SPOCK1: variants seen among roughly 807,000 people sequenced by gnomAD.
SPOCK1 encodes the protein testican-1.
A neutral mutation model predicts 55.3 loss-of-function variants in SPOCK1; 23 were observed. The observed-to-expected ratio is 0.42, with a 90% confidence interval of 0.30 to 0.59. SPOCK1 has a LOEUF of 0.59. Ranked by LOEUF, SPOCK1 falls within the 20% of genes least tolerant of loss-of-function variation. The probability of loss-of-function intolerance (pLI) is 0.22; values close to 1 mark genes in which losing one functional copy is unlikely to be tolerated. For synonymous variants in SPOCK1, 226 were observed against 221.0 expected, an observed-to-expected ratio of 1.02 and a Z score of -0.20; for missense variants, 499 against 552.5, an observed-to-expected ratio of 0.90 and a Z score of 0.97.
At chr5:137,227,707 G>T (rs1396756655) in intron 3 of SPOCK1, among the ~76,000 whole-genome samples, 2 of 152,214 alleles carry the variant, frequency 1.3e-5, no homozygotes, top group Non-Finnish European at 1.5e-5. Flanking sequence ...CTTCAGATCA[G>T]ACCCTGGGGC....
At chr5:137,400,325 G>C (rs1458435751) in intron 2 of SPOCK1, among the ~76,000 whole-genome samples, 3 of 152,138 alleles carry the variant, frequency 2.0e-5, no homozygotes, top group African/African-American at 7.2e-5. Context: ...CAGCTCCCCA[G>C]GACAAATGCA....
At chr5:137,233,560 G>A (rs574954130) in intron 3 of SPOCK1, among the ~76,000 whole-genome samples, 4 of 152,100 alleles carry the variant, frequency 2.6e-5, no homozygotes, top group African/African-American at 9.6e-5. Context: ...TTCCTAACAG[G>A]CCATGGACCA....
rs147918575 is a variant in SPOCK1 at position 137,066,963 on chromosome 5, T to TACACACACACACACAC, written c.589+736_589+751dup. ...ACTCCTAGATTTTAAAACATAAGCATACACACACACACACACACACACACA... is the reference window on the plus strand; with the variant it reads ...ACTCCTAGATTTTAAAACATAAGCATACACACACACACACACACACACACACACACACACACACACA... On this transcript the variant is annotated intron_variant, in intron 6 of 10. Transcript: ENST00000394945. Among the ~76,000 whole-genome samples, 430 of 126,292 alleles carry TACACACACACACACAC rather than the reference T, an allele frequency of 3.4e-3. 3 individuals are homozygous for TACACACACACACACAC. The highest frequency in any genetic ancestry group is 0.011 in the Admixed American group (123 of 11,352). 82.9% of individuals were successfully genotyped at this position (126,292 alleles called of 152,430 possible).
chr5:137,037,646 T>C (rs1751909319), intron 6 of SPOCK1, among the ~76,000 whole-genome samples: 1 of 152,198 alleles, frequency 6.6e-6, no homozygotes, highest in Non-Finnish European at 1.5e-5. Context: ...TATACTCCCT[T>C]AGCCTCACTT....
chr5:137,034,723 T>C lies in SPOCK1; in HGVS notation c.589+32992A>G, dbSNP rs1045287262. 2.0e-5 allele frequency among the ~76,000 whole-genome samples: 3 copies of C among 152,290 alleles called. No individual in the cohort carries two copies. The South Asian group carries it at 6.2e-4, about 32-fold the overall frequency. On this transcript the variant is annotated intron_variant, in intron 6 of 10. Transcript: ENST00000394945. The stretch of plus-strand genomic sequence containing the variant: ...GTGTGCGGAGTTCCAGAGTGAACTA[T>C]GAGGCTGTGGTTAAGGAAATATTCA...
chr5:137,153,659 G>A (rs1241980767), intron 3 of SPOCK1, among the ~76,000 whole-genome samples: 2 of 151,798 alleles, frequency 1.3e-5, no homozygotes, highest in Non-Finnish European at 2.9e-5. Context: ...TTCAAGACCA[G>A]CCTGGGCAAC....
At chr5:137,230,782 A>T (rs1055982436) in intron 3 of SPOCK1, among the ~76,000 whole-genome samples, 1 of 114,108 alleles carries the variant, frequency 8.8e-6, no homozygotes, top group South Asian at 3.0e-4. Context: ...TGCAGTTGTA[A>T]GAAATAATCC....
At chr5:137,394,283 T>TTACACAC (rs1289215274) in intron 2 of SPOCK1, among the ~76,000 whole-genome samples, 4 of 152,216 alleles carry the variant, frequency 2.6e-5, no homozygotes, top group Admixed American at 2.0e-4. Flanking sequence ...ATTAAGACTT[T>TTACACAC]TACACACTAC....
intron 5 of SPOCK1, among the ~76,000 whole-genome samples, chr5:137,109,772 C>T (rs886526807): frequency 9.2e-5 from 14 of 152,184 alleles, no homozygotes; most frequent in Admixed American, 2.6e-4. Flanking sequence ...TACTCCTCCA[C>T]TCTCAGTTTA....
At chr5:137,149,837 A>G (rs1430992861) in intron 3 of SPOCK1, among the ~76,000 whole-genome samples, 1 of 152,188 alleles carries the variant, frequency 6.6e-6, no homozygotes, top group Non-Finnish European at 1.5e-5. Flanking sequence ...TAAGTTTGAG[A>G]GGAGAGAGGC....
intron 2 of SPOCK1, among the ~76,000 whole-genome samples, chr5:137,482,280 G>T (rs571223049): frequency 6.6e-6 from 1 of 152,198 alleles, no homozygotes; most frequent in African/African-American, 2.4e-5. Context: ...AGAGGCATTT[G>T]TTCCCCATCT....
intron 2 of SPOCK1, among the ~76,000 whole-genome samples, chr5:137,410,853 C>T (rs930878677): frequency 6.6e-6 from 1 of 152,164 alleles, no homozygotes; most frequent in Non-Finnish European, 1.5e-5. Flanking sequence ...CAGCAATGCA[C>T]TGGGAGGGAG....
rs116097411 is a variant in SPOCK1, at chr5:137,407,717, C to G, written c.186+90656G>C. ...TCACATAAAGAATCTCATTCTCCCCCCAACACAAAACAGAACCTCAAGTCT... is the reference window on the plus strand; with the variant it reads ...TCACATAAAGAATCTCATTCTCCCCGCAACACAAAACAGAACCTCAAGTCT... On this transcript the variant is annotated intron_variant, in intron 2 of 10. Transcript: ENST00000394945. Among the ~76,000 whole-genome samples, 440 of 152,272 alleles carry G rather than the reference C, an allele frequency of 2.9e-3. 2 individuals carry two copies. The highest frequency in any genetic ancestry group is 1.0e-2 in the African/African-American group (414 of 41,548).
chr5:137,076,506 C>T (rs1449237469), intron 5 of SPOCK1, among the ~76,000 whole-genome samples: 1 of 151,328 alleles, frequency 6.6e-6, no homozygotes, highest in Non-Finnish European at 1.5e-5. Flanking sequence ...ACTCAGAACA[C>T]TCACATTAGT....
intron 3 of SPOCK1, among the ~76,000 whole-genome samples, chr5:137,260,804 T>G (rs1756729448): frequency 1.3e-5 from 2 of 152,222 alleles, no homozygotes. Context: ...CTCCAAACTT[T>G]TTTTAAATAG....
chr5:137,180,093 A>G (rs1754940563), intron 3 of SPOCK1, among the ~76,000 whole-genome samples: 1 of 152,160 alleles, frequency 6.6e-6, no homozygotes, highest in Non-Finnish European at 1.5e-5. Context: ...GAGTAGCTGA[A>G]TGGGAATCTA....
At chr5:137,152,807 C>A (rs1201385549) in intron 3 of SPOCK1, among the ~76,000 whole-genome samples, 3 of 152,172 alleles carry the variant, frequency 2.0e-5, no homozygotes, top group African/African-American at 7.2e-5. Flanking sequence ...ATACGGACAA[C>A]CCACAAACCC....
At chr5:137,036,884 C>G (rs1460684879) in intron 6 of SPOCK1, among the ~76,000 whole-genome samples, 1 of 152,132 alleles carries the variant, frequency 6.6e-6, no homozygotes, top group Non-Finnish European at 1.5e-5. Context: ...GTGATAGACA[C>G]GGTGAGCAGT....
At chr5:137,229,282 T>C (rs1756004943) in intron 3 of SPOCK1, among the ~76,000 whole-genome samples, 1 of 152,134 alleles carries the variant, frequency 6.6e-6, no homozygotes. Flanking sequence ...TTGGGACATG[T>C]GAATGCATGT....
Sources: allele counts gnomAD v4.1 joint callset (sites outside exome capture counted in the v4.1 genomes callset), GRCh38; gene constraint gnomAD v4.1.1; transcripts MANE v1.5; gene names NCBI Gene and HGNC (gene_info 2026-07-23, HGNC 2026-07-21).